The following ATXN7L2 variants were observed in gnomAD, a reference collection of about 807,000 sequenced individuals.
ATXN7L2 encodes the protein ataxin-7-like protein 2.
Under a neutral mutation model 59.6 loss-of-function variants are expected in ATXN7L2, and 17 were observed. The observed-to-expected ratio is 0.29, with a 90% CI of 0.20 to 0.43. The LOEUF is 0.43. ATXN7L2 is among the 20% of genes least tolerant of loss of function. The probability of loss-of-function intolerance (pLI) is 1.00; values close to 1 mark genes in which losing one functional copy is unlikely to be tolerated. For synonymous variants in ATXN7L2, 378 were observed against 392.5 expected (o/e 0.96, Z 0.44); for missense variants, 858 against 1,008.9 (o/e 0.85, Z 2.03).
chr1:109,485,629 C>T (rs1656531802), intron 1 of ATXN7L2: 1 of 986,638 alleles, frequency 1.0e-6, no homozygotes, highest in African/African-American at 1.7e-5. Context: ...GACTCAGGGA[C>T]TTATAGAAAC....
At chr1:109,489,172 C>A in intron 7 of ATXN7L2, 72 bp downstream of exon 7, 1 of 1,543,172 alleles carries the variant, frequency 6.5e-7, no homozygotes. Flanking sequence ...CCCCTGGAAA[C>A]AGGCTCAGGG....
chr1:109,486,026 C>T lies in ATXN7L2; in HGVS notation c.128-31C>T. The stretch of plus-strand genomic sequence containing the variant: ...GGCTGGAGACTCTCTAAAACTGGCC[C>T]TGACCCTTCTGAGCTGTGTTTCTCC... On this transcript the variant is annotated intron_variant, in intron 1 of 10. Coordinates refer to ENST00000683729, the MANE Select transcript of ATXN7L2 (RefSeq NM_001350175.2). This position sits in a 1 kb window ranked among gnomAD's most constrained non-coding sequence, Gnocchi z 4.3. The T allele has an allele frequency of 1.3e-6, 2 of 1,539,458 alleles. No homozygotes were observed. The highest frequency in any genetic ancestry group is 1.4e-5 in the African/African-American group (1 of 71,992).
rs768262182 is a variant in ATXN7L2, at chr1:109,483,999, C to T, written c.46C>T (p.Arg16Trp). The T allele has an allele frequency of 2.2e-6, 3 of 1,346,880 alleles. No homozygotes were observed. The highest frequency in any genetic ancestry group is 1.9e-6 in the Non-Finnish European group (2 of 1,038,234). The allele number at this position is 1,346,880 out of a possible 1,614,324, so 83.4% of individuals were successfully genotyped here. Residue 16 changes from arginine to tryptophan, a missense_variant, in exon 1 of 11, where the codon CGG becomes TGG. Physicochemically the swap from Arg to Trp is moderately radical, Grantham distance 101. Around this residue, in one of 3 missense-constraint regions of ATXN7L2, gnomAD observed 95 missense variants for 82.6 expected, o/e 1.15. Transcript: ENST00000683729. ...RAAAAMAALE[R>W]RVPSLDDFAG... ...GGCGGCAGCAATGGCCGCTCTGGAG[C>T]GGCGGGTGCCGAGTCTCGATGACTT...
intron 1 of ATXN7L2, chr1:109,485,168 T>G: frequency 4.4e-6 from 3 of 678,870 alleles, no homozygotes; most frequent in Non-Finnish European, 5.4e-6. Flanking sequence ...TCTGGGTGCA[T>G]TGAGAACCGG....
intron 1 of ATXN7L2, among the ~76,000 whole-genome samples, chr1:109,485,058 A>T (rs557649647): frequency 1.3e-5 from 2 of 152,122 alleles, no homozygotes; most frequent in Admixed American, 1.3e-4. Flanking sequence ...AGAAAGGAGC[A>T]TATCTGTTAA....
chr1:109,489,056 C>A lies in ATXN7L2; in HGVS notation c.1089C>A (p.Phe363Leu). 1 of 1,614,174 alleles carries A rather than the reference C, an allele frequency of 6.2e-7. No individual in the cohort carries two copies. The highest frequency in any genetic ancestry group is 2.2e-5 in the East Asian group (1 of 44,876). Residue 363 changes from phenylalanine (F) to leucine (L), a missense_variant, in exon 7 of 11, where the codon TTC becomes TTA. By Grantham distance (22) the Phe-to-Leu change is conservative (BLOSUM62 0). Coordinates refer to ENST00000683729, the MANE Select transcript of ATXN7L2 (RefSeq NM_001350175.2). ...VAAVAAPSST[F>L]SVRAKQTYPY... ...CGGTGGCTGCTCCCAGCAGCACCTT[C>A]TCTGTTCGTGCCAAGCAGACCTACC...
Position 109,491,796 on chromosome 1 carries a change from T to G in ATXN7L2, c.2250+79T>G. The G allele has an allele frequency of 2.1e-6, 3 of 1,425,074 alleles. No individual in the cohort carries two copies. Among genetic ancestry groups the G allele is most frequent in the Non-Finnish European group, 2.8e-6 (3 of 1,073,564 alleles). The allele number at this position is 1,425,074 out of a possible 1,614,324, so 88.3% of individuals were successfully genotyped here. A position where few individuals can be genotyped will look rare whatever the true frequency, so the allele number is the denominator to read the frequency against. On this transcript the variant is annotated intron_variant, in intron 10 of 10. Transcript: ENST00000683729. This position sits in a 1 kb window ranked among gnomAD's most constrained non-coding sequence, Gnocchi z 4.1. ...TGATACAGAGAAGATGCTACATTGG[T>G]GTTTGTGCAGGGAAAGGGAGGAAGG...
rs1307201201 is a variant in ATXN7L2 at position 109,486,277 on chromosome 1, G to C, written c.193+155G>C. ...GTCGGCCGGTTGTTCTGGCTCCTGT[G>C]ACCTGTCGTTGGAGATCATAATCAT... On this transcript the variant is annotated intron_variant, in intron 2 of 10. Coordinates refer to ENST00000683729, the MANE Select transcript of ATXN7L2 (RefSeq NM_001350175.2). This position sits in a 1 kb window ranked among gnomAD's most constrained non-coding sequence, Gnocchi z 4.3. 1.6e-6 allele frequency: 2 copies of C among 1,233,776 alleles called. No individual in the cohort carries two copies. Among genetic ancestry groups the C allele is most frequent in the Non-Finnish European group, 2.2e-6 (2 of 913,262 alleles). The allele number at this position is 1,233,776 out of a possible 1,614,324, so 76.4% of individuals were successfully genotyped here.
rs746008233 is a variant in ATXN7L2 at position 109,490,091 on chromosome 1, A to C, written c.1295A>C (p.Asp432Ala). The C allele has an allele frequency of 2.5e-6, 4 of 1,592,704 alleles. No individual in the cohort carries two copies. Among genetic ancestry groups the C allele is most frequent in the Non-Finnish European group, 2.6e-6 (3 of 1,168,936 alleles). ...TCTGACGACCTCCACCCACCCCCTG[A>C]CTGCCATTATGCAACCCGGCCCCCA... Reference protein sequence around the residue: ...GTSDDLHPPPDCHYATRPPRP... With the variant: ...GTSDDLHPPPACHYATRPPRP... Residue 432 changes from aspartate to alanine, a missense_variant, in exon 8 of 11, where the codon GAC becomes GCC. By Grantham distance (126) the Asp-to-Ala change is moderately radical. Coordinates refer to ENST00000683729, the MANE Select transcript of ATXN7L2 (RefSeq NM_001350175.2).
rs372003543 is a variant in ATXN7L2 at position 109,489,145 on chromosome 1, C to T, written c.1133+45C>T. Reference sequence around the variant, plus strand: ...CCTACCTCACCTGGGGGTACTTGGCCCCTAAGCCATCAGGGGCCCCTGGAA... The same window carrying T: ...CCTACCTCACCTGGGGGTACTTGGCTCCTAAGCCATCAGGGGCCCCTGGAA... On this transcript the variant is annotated intron_variant, in intron 7 of 10. Coordinates refer to ENST00000683729, the MANE Select transcript of ATXN7L2 (RefSeq NM_001350175.2). The T allele has an allele frequency of 1.9e-6, 3 of 1,576,670 alleles. No individual in the cohort carries two copies. The African/African-American group carries it at 4.1e-5, about 21-fold the overall frequency.
rs767811667 is a variant in ATXN7L2 at position 109,486,284 on chromosome 1, C to T, written c.193+162C>T. 1.0e-4 allele frequency: 120 copies of T among 1,173,584 alleles called. No individual in the cohort carries two copies. Among genetic ancestry groups the T allele is most frequent in the Middle Eastern group, 2.9e-4 (1 of 3,440 alleles). The allele number at this position is 1,173,584 out of a possible 1,614,324, so 72.7% of individuals were successfully genotyped here. A position where few individuals can be genotyped will look rare whatever the true frequency, so the allele number is the denominator to read the frequency against. Reference sequence around the variant, plus strand: ...GGTTGTTCTGGCTCCTGTGACCTGTCGTTGGAGATCATAATCATAGGTGAT... The same window carrying T: ...GGTTGTTCTGGCTCCTGTGACCTGTTGTTGGAGATCATAATCATAGGTGAT... On this transcript the variant is annotated intron_variant, in intron 2 of 10. Coordinates refer to ENST00000683729, the MANE Select transcript of ATXN7L2 (RefSeq NM_001350175.2). The surrounding 1 kb of genome is among the most constrained non-coding windows in gnomAD (Gnocchi z 4.3).
rs746644513 is a variant in ATXN7L2 at position 109,491,640 on chromosome 1, G to C, written c.2173G>C (p.Ala725Pro). 1 of 1,613,156 alleles carries C rather than the reference G, an allele frequency of 6.2e-7. No individual in the cohort carries two copies. The highest frequency in any genetic ancestry group is 8.5e-7 in the Non-Finnish European group (1 of 1,179,910). Residue 725 changes from alanine (A) to proline (P), a missense_variant, in exon 10 of 11, where the codon GCT becomes CCT. Transcript: ENST00000683729. This position sits in a 1 kb window ranked among gnomAD's most constrained non-coding sequence, Gnocchi z 4.1. ...KAKHCQAGAPADVACSVRRKK... is the reference protein window; with the variant it reads ...KAKHCQAGAPPDVACSVRRKK... The stretch of plus-strand genomic sequence containing the variant: ...CAAGCACTGTCAGGCTGGTGCCCCT[G>C]CTGATGTGGCCTGCTCTGTGCGCCG...
At position 109,486,327 on chromosome 1, in the gene ATXN7L2, G is replaced by A. The variant is rs530976185; in HGVS notation, c.194-179G>A. ...TAGGTGATTGCCCACTCACCTGAAA[G>A]CGTATACCCTTTGGGACTGCTTAGA... On this transcript the variant is annotated intron_variant, in intron 2 of 10. Coordinates refer to ENST00000683729, the MANE Select transcript of ATXN7L2 (RefSeq NM_001350175.2). The surrounding 1 kb of genome is among the most constrained non-coding windows in gnomAD (Gnocchi z 4.3). The A allele has an allele frequency of 1.1e-5, 11 of 964,654 alleles. No homozygotes were observed. In the African/African-American group the frequency reaches 1.5e-4, roughly 13 times the overall value. The allele number at this position is 964,654 out of a possible 1,614,324, so 59.8% of individuals were successfully genotyped here. A position where few individuals can be genotyped will look rare whatever the true frequency, so the allele number is the denominator to read the frequency against.
In ATXN7L2 at chr1:109,487,498, C is replaced by A; in HGVS notation, c.510-20C>A. ...GCCTCCCCTCCCCTCCCTCAGCCAA[C>A]CCCCTCTCTCTGTGTGTAGCCTTTT... On this transcript the variant is annotated intron_variant, in intron 4 of 10. Transcript: ENST00000683729. The A allele has an allele frequency of 2.0e-6, 3 of 1,481,418 alleles. No individual in the cohort carries two copies. Among genetic ancestry groups the A allele is most frequent in the East Asian group, 4.9e-5 (2 of 41,116 alleles). 91.8% of individuals were successfully genotyped at this position (1,481,418 alleles called of 1,614,324 possible).
rs1486228235 is a variant in ATXN7L2, at chr1:109,488,769, G to A, written c.880-78G>A. The A allele has an allele frequency of 1.9e-5, 28 of 1,512,094 alleles. No individual in the cohort carries two copies. In the Admixed American group the frequency reaches 2.3e-4, roughly 13 times the overall value. 93.7% of individuals were successfully genotyped at this position (1,512,094 alleles called of 1,614,324 possible). A position where few individuals can be genotyped will look rare whatever the true frequency, so the allele number is the denominator to read the frequency against. On this transcript the variant is annotated intron_variant, in intron 6 of 10. Coordinates refer to ENST00000683729, the MANE Select transcript of ATXN7L2 (RefSeq NM_001350175.2). The surrounding 1 kb of genome is among the most constrained non-coding windows in gnomAD (Gnocchi z 5.0). ...TCTCTCCCTGCCCCCCAACTTGCCC[G>A]GGCCAAAGCACCCTGCCGTCCCTCA...
rs371333488 is a variant in ATXN7L2 at position 109,492,622 on chromosome 1, C to T, written c.*22C>T. On this transcript the variant is annotated 3_prime_UTR_variant, in exon 11 of 11. Transcript: ENST00000683729. ...TTAACGAGAAAGTGCCTGCCCACTG[C>T]AACGGAGCCGCCAGCACCTCCTCCC... 1.9e-6 allele frequency: 3 copies of T among 1,612,982 alleles called. No homozygotes were observed. Among genetic ancestry groups the T allele is most frequent in the African/African-American group, 2.7e-5 (2 of 74,886 alleles).
rs376480343 is a variant in ATXN7L2 at position 109,491,386 on chromosome 1, C to T, written c.1919C>T (p.Ala640Val). The T allele has an allele frequency of 8.4e-5, 135 of 1,614,130 alleles. 1 individual carries two copies. Among genetic ancestry groups the T allele is most frequent in the Non-Finnish European group, 1.1e-4 (132 of 1,180,050 alleles). ...GGCCTCTCGGCCAAAACTAAAACAG[C>T]CCTGAGCATGGGGCTTAATGGGACA... ...CRGLSAKTKT[A>V]LSMGLNGTMG... Residue 640 changes from alanine to valine, a missense_variant, in exon 10 of 11, where the codon GCC becomes GTC. Transcript: ENST00000683729. The surrounding 1 kb of genome is among the most constrained non-coding windows in gnomAD (Gnocchi z 4.1).
At position 109,488,623 on chromosome 1, in the gene ATXN7L2, G is replaced by A. The variant is rs546367671; in HGVS notation, c.879+158G>A. On this transcript the variant is annotated intron_variant, in intron 6 of 10. Transcript: ENST00000683729. This position sits in a 1 kb window ranked among gnomAD's most constrained non-coding sequence, Gnocchi z 5.0. ...AGGGGAGATGGGTATGCCCCTCCTG[G>A]GCAGAAGGTGGGAACAGTGGGAAGG... Among the ~76,000 whole-genome samples the A allele has an allele frequency of 5.9e-5, 9 of 152,302 alleles. No homozygotes were observed. Among genetic ancestry groups the A allele is most frequent in the Non-Finnish European group, 1.2e-4 (8 of 68,018 alleles).
At position 109,491,328 on chromosome 1, in the gene ATXN7L2, C is replaced by T; in HGVS notation, c.1861C>T (p.Pro621Ser). The change falls in exon 10 of 11, where the codon CCC becomes TCC. Residue 621 changes from proline (P) to serine (S), a missense_variant. Around this residue, in one of 3 missense-constraint regions of ATXN7L2, gnomAD observed 734 missense variants for 862.3 expected, o/e 0.85. Coordinates refer to ENST00000683729, the MANE Select transcript of ATXN7L2 (RefSeq NM_001350175.2). The surrounding 1 kb of genome is among the most constrained non-coding windows in gnomAD (Gnocchi z 4.1). Reference sequence around the variant, plus strand: ...TCTTAAACGGACCTGCATCCTGGAGCCCACTGGAAAAGGGAAACCCTCTGG... The same window carrying T: ...TCTTAAACGGACCTGCATCCTGGAGTCCACTGGAAAAGGGAAACCCTCTGG... ...TTLKRTCILE[P>S]TGKGKPSGCR... The T allele has an allele frequency of 6.2e-7, 1 of 1,614,254 alleles. No homozygotes were observed. Among genetic ancestry groups the T allele is most frequent in the Non-Finnish European group, 8.5e-7 (1 of 1,180,042 alleles).
Sources: allele counts gnomAD v4.1 joint callset (sites outside exome capture counted in the v4.1 genomes callset), GRCh38; gene constraint gnomAD v4.1.1; regional missense constraint gnomAD v4.1.1; non-coding constraint Gnocchi (gnomAD v3.1); transcripts MANE v1.5; gene names NCBI Gene and HGNC (gene_info 2026-07-23, HGNC 2026-07-21).